The following RALYL variants were observed in gnomAD, a reference collection of about 807,000 sequenced individuals.
RALYL encodes RNA-binding Raly-like protein.
In RALYL, 29 loss-of-function variants were observed where a neutral mutation model predicts 35.1. The ratio of observed to expected loss-of-function variants is 0.83; its 90% CI spans 0.61 to 1.13. The LOEUF (loss-of-function observed/expected upper bound fraction) is 1.13. Ranked by LOEUF, RALYL falls within the 50% of genes most tolerant of loss-of-function variation. The pLI is 0.00. For missense variants in RALYL, 359 were observed against 360.4 expected, an observed-to-expected ratio of 1.00 and a Z score of 0.03; for synonymous variants, 120 against 127.6, an observed-to-expected ratio of 0.94 and a Z score of 0.40.
intron 1 of RALYL, among the ~76,000 whole-genome samples, chr8:84,209,671 C>G (rs577427602): frequency 7.9e-5 from 12 of 152,254 alleles, no homozygotes; most frequent in African/African-American, 2.9e-4. Context: ...TAGGATGGAG[C>G]TGGAAATCTA....
At position 84,729,155 on chromosome 8, in the gene RALYL, C is replaced by G. The variant is rs537334106; in HGVS notation, c.257-45424C>G. Among the ~76,000 whole-genome samples, 11 of 152,200 alleles carry G rather than the reference C, an allele frequency of 7.2e-5. No homozygotes were observed. In the East Asian group the frequency reaches 2.1e-3, roughly 29 times the overall value. On this transcript the variant is annotated intron_variant, in intron 2 of 8. Transcript: ENST00000521268. ...TTGTATCCTCTTTTATTTCATTGAGCAGTGGTTTGTAGTTCTCCTTGAAGA... is the reference window on the plus strand; with the variant it reads ...TTGTATCCTCTTTTATTTCATTGAGGAGTGGTTTGTAGTTCTCCTTGAAGA...
chr8:84,473,059 T>C (rs1031755840), intron 1 of RALYL, among the ~76,000 whole-genome samples: 2 of 152,116 alleles, frequency 1.3e-5, no homozygotes, highest in African/African-American at 4.8e-5. Context: ...GTTCTTTACA[T>C]TTTTGTGCAT....
At chr8:84,840,761 C>T (rs1833087107) in intron 4 of RALYL, among the ~76,000 whole-genome samples, 1 of 152,228 alleles carries the variant, frequency 6.6e-6, no homozygotes, top group East Asian at 1.9e-4. Flanking sequence ...AGACTAACAA[C>T]TGATCTCTCG....
intron 1 of RALYL, among the ~76,000 whole-genome samples, chr8:84,401,824 C>CTT (rs747272137): frequency 6.9e-6 from 1 of 144,278 alleles, no homozygotes; most frequent in African/African-American, 2.5e-5. Flanking sequence ...TGCAGTAAAA[C>CTT]TTTTTTTTTT....
intron 2 of RALYL, among the ~76,000 whole-genome samples, chr8:84,552,717 T>A (rs1564132839): frequency 7.0e-6 from 1 of 143,838 alleles, no homozygotes; most frequent in East Asian, 2.0e-4. Flanking sequence ...ATTAGACCCC[T>A]TTTTTTTTTC....
At chr8:84,191,093 G>T (rs1586043511) in intron 1 of RALYL, among the ~76,000 whole-genome samples, 5 of 151,798 alleles carry the variant, frequency 3.3e-5, no homozygotes, top group South Asian at 2.1e-4. Context: ...TAAACTAAAT[G>T]AATGTGATTG....
intron 2 of RALYL, among the ~76,000 whole-genome samples, chr8:84,654,502 C>A (rs1018010572): frequency 2.6e-5 from 4 of 151,590 alleles, no homozygotes; most frequent in African/African-American, 9.7e-5. Flanking sequence ...TGTAGTCATC[C>A]TGTTGTGTTA....
At chr8:84,854,098 C>T (rs1836453616) in intron 5 of RALYL, among the ~76,000 whole-genome samples, 1 of 152,148 alleles carries the variant, frequency 6.6e-6, no homozygotes, top group South Asian at 2.1e-4. Context: ...CTGATCCCAG[C>T]ACTTTGGGAG....
chr8:84,411,501 T>A (rs556257881), intron 1 of RALYL, among the ~76,000 whole-genome samples: 1 of 151,884 alleles, frequency 6.6e-6, no homozygotes, highest in Admixed American at 6.6e-5. Flanking sequence ...TTTACTTTTT[T>A]TTTTCCTGGT....
intron 2 of RALYL, among the ~76,000 whole-genome samples, chr8:84,758,860 T>G (rs1812039694): frequency 6.6e-6 from 1 of 152,220 alleles, no homozygotes; most frequent in African/African-American, 2.4e-5. Context: ...CTATTGCTGT[T>G]GCAACAAATT....
At chr8:84,681,654 G>A (rs1835526925) in intron 2 of RALYL, among the ~76,000 whole-genome samples, 1 of 152,264 alleles carries the variant, frequency 6.6e-6, no homozygotes, top group Non-Finnish European at 1.5e-5. Context: ...TGTTATTGGT[G>A]TATAGGAATG....
chr8:84,443,755 G>A (rs770042037), intron 1 of RALYL, among the ~76,000 whole-genome samples: 37 of 152,126 alleles, frequency 2.4e-4, no homozygotes, highest in Non-Finnish European at 5.0e-4. Context: ...CTTGATGCAC[G>A]TACCCCCTGT....
In RALYL at chr8:84,293,900, T is replaced by C. The variant is rs1328226353; in HGVS notation, c.-24+109476T>C. ...TCTCCACATTTTCTTATGTATGAAATTCAGTTTTCTATTTTTCTTCTTGCA... is the reference window on the plus strand; with the variant it reads ...TCTCCACATTTTCTTATGTATGAAACTCAGTTTTCTATTTTTCTTCTTGCA... On this transcript the variant is annotated intron_variant, in intron 1 of 8. Transcript: ENST00000521268. 2.6e-5 allele frequency among the ~76,000 whole-genome samples: 4 copies of C among 152,186 alleles called. No homozygotes were observed. In the East Asian group the frequency reaches 7.7e-4, roughly 29 times the overall value.
intron 1 of RALYL, among the ~76,000 whole-genome samples, chr8:84,345,069 T>C (rs768290018): frequency 1.3e-5 from 2 of 151,806 alleles, no homozygotes; most frequent in Non-Finnish European, 2.9e-5. Context: ...GATCATATGA[T>C]AATTCTAGTT....
At chr8:84,668,587 A>G (rs1832550847) in intron 2 of RALYL, among the ~76,000 whole-genome samples, 1 of 152,192 alleles carries the variant, frequency 6.6e-6, no homozygotes, top group Non-Finnish European at 1.5e-5. Context: ...AAGGTCACTT[A>G]TAAAGTTATT....
intron 1 of RALYL, among the ~76,000 whole-genome samples, chr8:84,520,272 C>A (rs532899407): frequency 6.6e-6 from 1 of 152,110 alleles, no homozygotes; most frequent in Non-Finnish European, 1.5e-5. Context: ...CTTTGTTTTG[C>A]AGAGGAAAAA....
At chr8:84,466,602 C>T (rs1053947793) in intron 1 of RALYL, among the ~76,000 whole-genome samples, 15 of 150,304 alleles carry the variant, frequency 1.0e-4, no homozygotes, top group Admixed American at 6.6e-4. Context: ...GTCTAAAATT[C>T]TCTTTTTTTG....
At chr8:84,680,277 CTT>C (rs1255033191) in intron 2 of RALYL, among the ~76,000 whole-genome samples, 1 of 152,122 alleles carries the variant, frequency 6.6e-6, no homozygotes, top group African/African-American at 2.4e-5. Flanking sequence ...GGTTCCAAGT[CTT>C]TGCTATTGTG....
intron 1 of RALYL, among the ~76,000 whole-genome samples, chr8:84,516,564 T>C (rs1021658810): frequency 1.3e-5 from 2 of 152,164 alleles, no homozygotes; most frequent in African/African-American, 2.4e-5. Context: ...GACAACTCTA[T>C]TGGACCAAAA....
Sources: gnomAD v4.1 joint callset for allele counts (sites outside exome capture counted in the v4.1 genomes callset) on GRCh38, gnomAD v4.1.1 for gene constraint, MANE v1.5 for transcripts, NCBI Gene and HGNC (gene_info 2026-07-23, HGNC 2026-07-21) for gene names.